Variants in ST18 observed in about 807,000 individuals in gnomAD.
The protein encoded by ST18 is suppression of tumorigenicity 18 protein.
In ST18, 50 loss-of-function variants were observed where a neutral mutation model predicts 110.0. That is an observed-to-expected ratio of 0.45 (90% CI 0.36 to 0.58). The LOEUF (loss-of-function observed/expected upper bound fraction) is 0.58, where lower values mean the gene tolerates loss of function less well. Among genes scored for constraint, ST18 ranks in the 20% least tolerant of loss-of-function variants. The probability of loss-of-function intolerance (pLI) is 0.00; values close to 1 mark genes in which losing one functional copy is unlikely to be tolerated. For synonymous variants in ST18, 461 were observed against 452.4 expected (o/e 1.02, Z -0.24); for missense variants, 1,306 against 1,280.1 (o/e 1.02, Z -0.31).
In ST18 at chr8:52,116,348, C is replaced by A; in HGVS notation, c.2930G>T (p.Ser977Ile). Residue 977 changes from serine (S) to isoleucine (I), a missense_variant, in exon 25 of 26, where the codon AGT becomes ATT. Transcript: ENST00000689386. ...ENKLIEQNNE[S>I]LLKELAGLSQ... ...TAGACCTGCCAGCTCTTTCAGCAGA[C>A]TTTCATTGTTCTGTTCTATGAGTTT... 1 of 1,613,988 alleles carries A rather than the reference C, an allele frequency of 6.2e-7. No individual in the cohort carries two copies. The highest frequency in any genetic ancestry group is 8.5e-7 in the Non-Finnish European group (1 of 1,179,944).
At chr8:52,178,648 C>CAAAAAAAAAAAAAAA (rs2068035729) in intron 9 of ST18, among the ~76,000 whole-genome samples, 3 of 37,424 alleles carry the variant, frequency 8.0e-5, no homozygotes, top group African/African-American at 1.1e-4. Flanking sequence ...AAAAAACCAC[C>CAAAAAAAAAAAAAAA]AAAAACCAAA....
At chr8:52,297,073 C>G (rs868592582) in intron 2 of ST18, among the ~76,000 whole-genome samples, 2 of 152,210 alleles carry the variant, frequency 1.3e-5, no homozygotes, top group South Asian at 2.1e-4. Flanking sequence ...AGCCCGTGAA[C>G]AGACCCCAAC....
chr8:52,324,750 G>A (rs1805529435), intron 2 of ST18, among the ~76,000 whole-genome samples: 1 of 152,114 alleles, frequency 6.6e-6, no homozygotes, highest in Admixed American at 6.6e-5. Flanking sequence ...ATTATACTGG[G>A]CATAGAAAAA....
At chr8:52,269,540 G>C (rs1349090376) in intron 2 of ST18, among the ~76,000 whole-genome samples, 1 of 152,096 alleles carries the variant, frequency 6.6e-6, no homozygotes, top group East Asian at 1.9e-4. Context: ...TGCAAATAAG[G>C]GTGACTCCAT....
At chr8:52,221,556 T>C (rs1209465397) in intron 4 of ST18, 84 bp downstream of exon 4, 1 of 152,192 alleles carries the variant, frequency 6.6e-6, no homozygotes, top group Non-Finnish European at 1.5e-5. Context: ...GAGGAACCAA[T>C]TTATACAAAC....
intron 8 of ST18, among the ~76,000 whole-genome samples, chr8:52,196,220 A>T (rs939683042): frequency 1.6e-4 from 25 of 152,330 alleles, no homozygotes; most frequent in African/African-American, 5.1e-4. Flanking sequence ...CTGGGTCTAC[A>T]AGGTTGCTCC....
At position 52,316,961 on chromosome 8, in the gene ST18, C is replaced by A. The variant is rs184110054; in HGVS notation, c.-464-86884G>T. On this transcript the variant is annotated intron_variant, in intron 2 of 25. Coordinates refer to ENST00000689386, the MANE Select transcript of ST18 (RefSeq NM_001352837.2). ...GAAGATGTCCTTTATCTTAAAGAAG[C>A]CTTCATCTCTACCCAATTCACAAAC... is the stretch of plus-strand genomic sequence containing the variant. 4.6e-5 allele frequency among the ~76,000 whole-genome samples: 7 copies of A among 152,324 alleles called. No homozygotes were observed. In the South Asian group the frequency reaches 8.3e-4, roughly 18 times the overall value.
intron 2 of ST18, among the ~76,000 whole-genome samples, chr8:52,388,831 G>T (rs1349174352): frequency 2.5e-5 from 3 of 120,898 alleles, no homozygotes; most frequent in Non-Finnish European, 3.4e-5. Flanking sequence ...GGGGGGAGGG[G>T]GGAGGGATAG....
chr8:52,189,970 G>T (rs917941807), intron 8 of ST18, among the ~76,000 whole-genome samples: 10 of 152,182 alleles, frequency 6.6e-5, no homozygotes, highest in Admixed American at 1.3e-4. Context: ...TCTGTTACCA[G>T]ATAGTAGATT....
intron 8 of ST18, chr8:52,199,687 T>C (rs2077315041): frequency 6.6e-6 from 1 of 152,146 alleles, no homozygotes; most frequent in Non-Finnish European, 1.5e-5. Context: ...TAGAAGTAAG[T>C]TCAAAGTAAT....
chr8:52,147,382 T>C (rs2057607939), intron 16 of ST18, among the ~76,000 whole-genome samples: 2 of 152,022 alleles, frequency 1.3e-5, no homozygotes, highest in African/African-American at 4.8e-5. Context: ...GCTAAGGAAG[T>C]GATAGGAATG....
Position 52,379,552 on chromosome 8 carries a change from C to G in ST18, c.-465+29776G>C, listed in dbSNP as rs141066288. Among the ~76,000 whole-genome samples the G allele has an allele frequency of 2.8e-3, 421 of 151,772 alleles. 1 individual carries two copies. Among genetic ancestry groups the G allele is most frequent in the African/African-American group, 9.5e-3 (392 of 41,348 alleles). On this transcript the variant is annotated intron_variant, in intron 2 of 25. Coordinates refer to ENST00000689386, the MANE Select transcript of ST18 (RefSeq NM_001352837.2). ...CATATATATTACACAATTTTGGGGACTTTTGCAACACTTCAAAAAAACATG... is the reference window on the plus strand; with the variant it reads ...CATATATATTACACAATTTTGGGGAGTTTTGCAACACTTCAAAAAAACATG...
chr8:52,238,913 C>T (rs1168257357), intron 2 of ST18, among the ~76,000 whole-genome samples: 2 of 151,588 alleles, frequency 1.3e-5, no homozygotes, highest in African/African-American at 4.8e-5. Context: ...TATAAGATAC[C>T]CTATTTGGAT....
intron 2 of ST18, among the ~76,000 whole-genome samples, chr8:52,372,425 AT>A (rs988445196): frequency 1.4e-4 from 22 of 152,294 alleles, no homozygotes; most frequent in Middle Eastern, 3.4e-3. Context: ...GAGAGAAAAA[AT>A]TTTTATACAT....
rs560226295 is a variant in ST18, at chr8:52,364,880, C to T, written c.-465+44448G>A. Among the ~76,000 whole-genome samples, 30 of 152,178 alleles carry T rather than the reference C, an allele frequency of 2.0e-4. 1 individual carries two copies. In the South Asian group the frequency reaches 5.6e-3, roughly 28 times the overall value. On this transcript the variant is annotated intron_variant, in intron 2 of 25. Transcript: ENST00000689386. The stretch of plus-strand genomic sequence containing the variant: ...ATCCCAGCACTTTGAGAGGCCGAGG[C>T]GGGCAGATCACCTGAGGTCAGGAGT...
chr8:52,182,441 A>G (rs994988908), intron 8 of ST18, among the ~76,000 whole-genome samples: 4 of 152,244 alleles, frequency 2.6e-5, no homozygotes, highest in African/African-American at 9.6e-5. Context: ...GTGCATACAT[A>G]CAATGAAATA....
chr8:52,289,490 C>T (rs934555884), intron 2 of ST18, among the ~76,000 whole-genome samples: 3 of 152,112 alleles, frequency 2.0e-5, no homozygotes, highest in African/African-American at 7.2e-5. Context: ...CCACCTGGGT[C>T]TTTCCATTGT....
chr8:52,325,349 A>G (rs1852408395), intron 2 of ST18, among the ~76,000 whole-genome samples: 1 of 152,244 alleles, frequency 6.6e-6, no homozygotes, highest in African/African-American at 2.4e-5. Flanking sequence ...ATCATTTGAA[A>G]AGGAATTAGT....
chr8:52,242,114 A>G (rs555583374), intron 2 of ST18, among the ~76,000 whole-genome samples: 2 of 152,224 alleles, frequency 1.3e-5, no homozygotes, highest in Non-Finnish European at 2.9e-5. Context: ...TCAAAAGAAT[A>G]AAAAATGCTT....
Sources: gnomAD v4.1 joint callset for allele counts (sites outside exome capture counted in the v4.1 genomes callset) on GRCh38, gnomAD v4.1.1 for gene constraint, MANE v1.5 for transcripts, NCBI Gene and HGNC (gene_info 2026-07-23, HGNC 2026-07-21) for gene names.